The following CATSPERE variants were observed in gnomAD, a reference collection of about 807,000 sequenced individuals.
The protein encoded by CATSPERE is cation channel sperm-associated auxiliary subunit epsilon.
A neutral mutation model predicts 114.1 loss-of-function variants in CATSPERE; 93 were observed. That is an observed-to-expected ratio of 0.81 (90% CI 0.69 to 0.97). The LOEUF (loss-of-function observed/expected upper bound fraction) is 0.97. Ranked by LOEUF, CATSPERE falls within the 50% of genes least tolerant of loss-of-function variation. The pLI is 0.00. For missense variants in CATSPERE, 1,058 were observed against 1,131.6 expected (o/e 0.93, Z 0.93); for synonymous variants, 341 against 384.1 (o/e 0.89, Z 1.31).
chr1:244,601,887 G>A (rs1572955428), intron 17 of CATSPERE, among the ~76,000 whole-genome samples: 1 of 152,178 alleles, frequency 6.6e-6, no homozygotes, highest in African/African-American at 2.4e-5. Flanking sequence ...CCAAGAGGCA[G>A]AGGTTGCAGT....
chr1:244,575,528 C>G lies in CATSPERE; in HGVS notation c.1950+2756C>G, dbSNP rs563862262. On this transcript the variant is annotated intron_variant, in intron 11 of 21. Transcript: ENST00000366534. This position sits in a 1 kb window ranked among gnomAD's most constrained non-coding sequence, Gnocchi z 4.5. ...GCAGCACAGAAGGCTTGGGGCTCGA[C>G]AGCTGGTGGCCTGGATGGCTCTAGC... 2.0e-5 allele frequency among the ~76,000 whole-genome samples: 3 copies of G among 152,210 alleles called. No homozygotes were observed. Among genetic ancestry groups the G allele is most frequent in the Non-Finnish European group, 4.4e-5 (3 of 68,034 alleles).
chr1:244,476,216 G>A (rs958954321), intron 2 of CATSPERE, among the ~76,000 whole-genome samples: 2 of 152,206 alleles, frequency 1.3e-5, no homozygotes, highest in East Asian at 3.9e-4. Flanking sequence ...GAGGTAGGAG[G>A]ACTGCTTGAG....
intron 8 of CATSPERE, among the ~76,000 whole-genome samples, chr1:244,519,049 A>G (rs1299195000): frequency 1.3e-5 from 2 of 152,116 alleles, no homozygotes; most frequent in Non-Finnish European, 2.9e-5. Flanking sequence ...CACACCACAA[A>G]TTCTACCTGA....
At chr1:244,537,920 T>A (rs1396839372) in intron 8 of CATSPERE, among the ~76,000 whole-genome samples, 1 of 152,236 alleles carries the variant, frequency 6.6e-6, no homozygotes, top group Non-Finnish European at 1.5e-5. Flanking sequence ...CTGCTGGATC[T>A]GTTAATTAAT....
At chr1:244,572,189 A>T (rs1024224174) in intron 10 of CATSPERE, 141 bp from the exon 11 acceptor site, 3 of 618,906 alleles carry the variant, frequency 4.8e-6, no homozygotes, top group African/African-American at 3.7e-5. Context: ...TTATGGGTTC[A>T]TATCTGCACA....
intron 12 of CATSPERE, among the ~76,000 whole-genome samples, chr1:244,583,581 G>C (rs771719345): frequency 2.0e-5 from 3 of 152,172 alleles, no homozygotes; most frequent in Non-Finnish European, 2.9e-5. Context: ...TGGTTGAAAT[G>C]CTGGTAGGAT....
intron 8 of CATSPERE, among the ~76,000 whole-genome samples, chr1:244,522,069 G>C (rs1677663647): frequency 6.6e-6 from 1 of 151,954 alleles, no homozygotes; most frequent in Non-Finnish European, 1.5e-5. Context: ...TTCCAAAATT[G>C]ACCACATACT....
chr1:244,533,310 A>G (rs890189877), intron 8 of CATSPERE, among the ~76,000 whole-genome samples: 4 of 152,070 alleles, frequency 2.6e-5, no homozygotes, highest in Non-Finnish European at 5.9e-5. Flanking sequence ...TAATCCGTTC[A>G]GCCACTGTAT....
intron 9 of CATSPERE, among the ~76,000 whole-genome samples, chr1:244,557,606 ATTTC>A (rs1661858058): frequency 9.0e-6 from 1 of 110,594 alleles, no homozygotes; most frequent in Non-Finnish European, 1.8e-5. Flanking sequence ...TTCTTGGAAA[ATTTC>A]TTTCTGGTTT....
chr1:244,471,086 T>C (rs916482604), intron 2 of CATSPERE, among the ~76,000 whole-genome samples: 3 of 152,228 alleles, frequency 2.0e-5, no homozygotes, highest in African/African-American at 7.2e-5. Context: ...TAAAATCGAT[T>C]ACAGTAATAG....
chr1:244,588,440 A>G, intron 13 of CATSPERE, 42 bp from the exon 14 acceptor site: 1 of 1,448,928 alleles, frequency 6.9e-7, no homozygotes, highest in Non-Finnish European at 9.7e-7. Context: ...GATCATATGA[A>G]TCAGAACTGC....
chr1:244,470,489 C>G lies in CATSPERE; in HGVS notation c.114+6533C>G, dbSNP rs543729240. Among the ~76,000 whole-genome samples, 26 of 152,244 alleles carry G rather than the reference C, an allele frequency of 1.7e-4. 1 individual carries two copies. In the South Asian group the frequency reaches 5.0e-3, roughly 29 times the overall value. On this transcript the variant is annotated intron_variant, in intron 2 of 21. Coordinates refer to ENST00000366534, the MANE Select transcript of CATSPERE (RefSeq NM_001130957.2). ...TACTACTTCGCACCCGCTCAGATGT[C>G]TATAATCAAAAAGACAGATAATAAC... is the stretch of plus-strand genomic sequence containing the variant.
intron 8 of CATSPERE, among the ~76,000 whole-genome samples, chr1:244,541,151 C>T (rs1250206355): frequency 1.4e-5 from 2 of 147,674 alleles, no homozygotes; most frequent in African/African-American, 5.0e-5. Context: ...ACAAAATTGA[C>T]AAATGGGATG....
intron 20 of CATSPERE, among the ~76,000 whole-genome samples, chr1:244,628,565 T>C (rs1673497051): frequency 6.6e-6 from 1 of 152,236 alleles, no homozygotes; most frequent in Non-Finnish European, 1.5e-5. Context: ...CTCCATGCTT[T>C]TCCCTAATAT....
chr1:244,514,844 A>AG (rs1169263208), intron 7 of CATSPERE, among the ~76,000 whole-genome samples: 5 of 151,190 alleles, frequency 3.3e-5, no homozygotes, highest in Non-Finnish European at 1.5e-5. Context: ...AAAAAAAAAA[A>AG]AAAAAAGAGT....
chr1:244,489,900 C>T (rs184449001), intron 5 of CATSPERE, among the ~76,000 whole-genome samples: 36 of 152,106 alleles, frequency 2.4e-4, no homozygotes, highest in Admixed American at 8.5e-4. Context: ...GCAAATTGGC[C>T]GTACTGGTTA....
intron 11 of CATSPERE, among the ~76,000 whole-genome samples, chr1:244,580,179 G>T (rs907475191): frequency 1.3e-5 from 2 of 151,198 alleles, no homozygotes; most frequent in African/African-American, 4.9e-5. Flanking sequence ...TGGGATTACA[G>T]GTGCATGCCA....
chr1:244,586,258 A>G (rs997990829), intron 13 of CATSPERE, among the ~76,000 whole-genome samples: 1 of 152,148 alleles, frequency 6.6e-6, no homozygotes. Flanking sequence ...GTTAACTCAT[A>G]TTTTTAATCC....
intron 2 of CATSPERE, among the ~76,000 whole-genome samples, chr1:244,468,500 C>T (rs3003208): frequency 0.64 from 97,232 of 152,048 alleles, 31,428 homozygotes; most frequent in Middle Eastern, 0.74. Context: ...ACCAAAACAG[C>T]TATGTCATTT....
Sources: allele counts gnomAD v4.1 joint callset (sites outside exome capture counted in the v4.1 genomes callset), GRCh38; gene constraint gnomAD v4.1.1; non-coding constraint Gnocchi (gnomAD v3.1); transcripts MANE v1.5; gene names NCBI Gene and HGNC (gene_info 2026-07-23, HGNC 2026-07-21).